MPP4: variants seen among roughly 807,000 people sequenced by gnomAD.
MPP4 encodes MAGUK p55 scaffold protein 4, also known as MAGUK p55 subfamily member 4.
Under a neutral mutation model 98.3 loss-of-function variants are expected in MPP4, and 91 were observed. The observed-to-expected ratio is 0.93, with a 90% CI of 0.78 to 1.10. The LOEUF is 1.10. Among genes scored for constraint, MPP4 ranks in the 50% least tolerant of loss-of-function variants. The pLI is 0.00. For missense variants in MPP4, 744 were observed against 792.9 expected (o/e 0.94, Z 0.74); for synonymous variants, 261 against 271.8 (o/e 0.96, Z 0.39).
At chr2:201,687,721 T>C (rs1688880417) in intron 4 of MPP4, among the ~76,000 whole-genome samples, 3 of 152,200 alleles carry the variant, frequency 2.0e-5, no homozygotes, top group Non-Finnish European at 4.4e-5. Context: ...TTGGCTGATG[T>C]CAATGCTTTG....
intron 3 of MPP4, among the ~76,000 whole-genome samples, chr2:201,690,996 G>A (rs900050092): frequency 3.3e-5 from 5 of 152,194 alleles, no homozygotes; most frequent in Non-Finnish European, 7.3e-5. Flanking sequence ...TAAGGCCCAA[G>A]GGGCCGGCTG....
intron 15 of MPP4, among the ~76,000 whole-genome samples, 195 bp downstream of exon 15, chr2:201,660,137 C>T (rs922048979): frequency 6.6e-6 from 1 of 152,100 alleles, no homozygotes; most frequent in Non-Finnish European, 1.5e-5. Flanking sequence ...ATGTCATATC[C>T]TTGGAGAACC....
intron 16 of MPP4, among the ~76,000 whole-genome samples, chr2:201,657,553 G>C (rs138015533): frequency 7.3e-6 from 1 of 137,786 alleles, no homozygotes; most frequent in East Asian, 2.4e-4. Flanking sequence ...TTCCATGTTT[G>C]TAACTCCCTT....
chr2:201,681,950 A>T (rs1294034683), intron 8 of MPP4, among the ~76,000 whole-genome samples: 1 of 152,076 alleles, frequency 6.6e-6, no homozygotes, highest in Non-Finnish European at 1.5e-5. Context: ...CATTTCCTGA[A>T]TGCCTGTTTC....
rs982803521 is a variant in MPP4 at position 201,685,964 on chromosome 2, C to T, written c.447G>A (p.Glu149=). The change falls in exon 6 of 22, where the codon GAG becomes GAA. Residue 149 remains glutamate, a synonymous_variant. Transcript: ENST00000409474. The stretch of plus-strand genomic sequence containing the variant: ...CTAAACAAACAATCCTCATTGCTTC[C>T]TCACTCTCAGGGATATTGTCTGGCA... ...PPLPDNIPES[E]EAMRIVCLVK... The T allele has an allele frequency of 1.2e-6, 2 of 1,612,800 alleles. No individual in the cohort carries two copies. Among genetic ancestry groups the T allele is most frequent in the African/African-American group, 1.3e-5 (1 of 75,016 alleles).
Position 201,654,894 on chromosome 2 carries a change from C to A in MPP4, c.1324G>T (p.Glu442Ter). 6.2e-7 allele frequency: 1 copy of A among 1,604,886 alleles called. No homozygotes were observed. Among genetic ancestry groups the A allele is most frequent in the Non-Finnish European group, 8.5e-7 (1 of 1,175,694 alleles). ...AATTCAATAAGTTGTCTTCTGAGCT[C>A]ATTTACTCCAACACCAGAGGGTCCT... ...LMGPSGVGVN[E>*]LRRQLIEFNP... is the part of the protein sequence containing the mutation. Residue 442 changes from glutamate to a stop codon, truncating the protein, a stop_gained, in exon 18 of 22, where the codon GAG becomes TAG. Transcript: ENST00000409474. LOFTEE classifies it high-confidence loss of function.
intron 1 of MPP4, among the ~76,000 whole-genome samples, chr2:201,695,076 C>T (rs976362439): frequency 2.0e-5 from 3 of 152,076 alleles, no homozygotes; most frequent in Non-Finnish European, 4.4e-5. Flanking sequence ...ATATCTTGTT[C>T]GTGTGAAAGT....
intron 11 of MPP4, among the ~76,000 whole-genome samples, chr2:201,672,216 G>A (rs937663834): frequency 1.3e-5 from 2 of 152,152 alleles, no homozygotes; most frequent in African/African-American, 4.8e-5. Context: ...AAGACACAAT[G>A]TACCAGAATC....
At chr2:201,672,553 A>G (rs1298730911) in intron 11 of MPP4, among the ~76,000 whole-genome samples, 1 of 152,222 alleles carries the variant, frequency 6.6e-6, no homozygotes, top group African/African-American at 2.4e-5. Flanking sequence ...ACAATAAAAA[A>G]TGATAAAGGG....
intron 11 of MPP4, 150 bp downstream of exon 11, chr2:201,675,057 T>G: frequency 3.2e-6 from 3 of 924,032 alleles, no homozygotes; most frequent in South Asian, 1.4e-5. Flanking sequence ...AAACCCCTAA[T>G]CTAGGGCCCT....
At chr2:201,698,197 T>C in intron 1 of MPP4, 1 of 539,902 alleles carries the variant, frequency 1.9e-6, no homozygotes, top group Non-Finnish European at 2.4e-6. Context: ...CACAACCCCC[T>C]ACCCTTACTA....
intron 1 of MPP4, 91 bp from the exon 2 acceptor site, chr2:201,694,145 G>T: frequency 7.9e-7 from 1 of 1,270,992 alleles, no homozygotes; most frequent in Non-Finnish European, 1.1e-6. Flanking sequence ...GTCTTCCCCT[G>T]TGGTGCCTAC....
At chr2:201,697,589 C>T (rs1689226242) in intron 1 of MPP4, among the ~76,000 whole-genome samples, 1 of 152,154 alleles carries the variant, frequency 6.6e-6, no homozygotes, top group Non-Finnish European at 1.5e-5. Context: ...GGCCAAGATC[C>T]AGAAGTAAAA....
chr2:201,656,911 A>G (rs542866173), intron 16 of MPP4, among the ~76,000 whole-genome samples: 59 of 152,358 alleles, frequency 3.9e-4, no homozygotes, highest in African/African-American at 1.3e-3. Context: ...AGGAACAGCA[A>G]GGAAGCCTGT....
intron 12 of MPP4, among the ~76,000 whole-genome samples, chr2:201,669,088 TTGTGTGTGTGTGTGTG>T (rs770178008): frequency 7.1e-6 from 1 of 141,566 alleles, no homozygotes; most frequent in African/African-American, 2.7e-5. Flanking sequence ...GCATCTTGCT[TTGTGTGTGTGTGTGTG>T]TGTGTGTGTG....
Position 201,645,237 on chromosome 2 carries a change from C to T in MPP4, c.1887G>A (p.Trp629Ter), listed in dbSNP as rs745821403. ...ATTGAGACTCAGTATCTGAGGAAATCCATGTTGCTGGTACCCACTGAGGCT... is the reference window on the plus strand; with the variant it reads ...ATTGAGACTCAGTATCTGAGGAAATTCATGTTGCTGGTACCCACTGAGGCT... ...QEEPQWVPAT[W>*]ISSDTESQ is the part of the protein sequence containing the mutation. The change falls in exon 22 of 22, where the codon TGG becomes TGA. Residue 629 changes from tryptophan (W) to a stop codon, truncating the protein, a stop_gained. Coordinates refer to ENST00000409474, the MANE Select transcript of MPP4 (RefSeq NM_033066.3). LOFTEE classifies it high-confidence loss of function. 2.5e-6 allele frequency: 4 copies of T among 1,613,194 alleles called. No homozygotes were observed. The highest frequency in any genetic ancestry group is 1.1e-5 in the South Asian group (1 of 90,944).
At position 201,692,973 on chromosome 2, in the gene MPP4, C is replaced by A. The variant is rs1471214674; in HGVS notation, c.136G>T (p.Asp46Tyr). 1.9e-6 allele frequency: 3 copies of A among 1,613,074 alleles called. No homozygotes were observed. The highest frequency in any genetic ancestry group is 1.3e-5 in the African/African-American group (1 of 74,898). The change falls in exon 3 of 22, where the codon GAT becomes TAT. Residue 46 changes from aspartate to tyrosine, a missense_variant. Transcript: ENST00000409474. Reference protein sequence around the residue: ...LQELSLFYGRDVNGVCLLYDL... With the variant: ...LQELSLFYGRYVNGVCLLYDL... Reference sequence around the variant, plus strand: ...TACAAGAGACACACTCCATTCACATCTCTGCCGTAGAACAGACTCAGCTCT... The same window carrying A: ...TACAAGAGACACACTCCATTCACATATCTGCCGTAGAACAGACTCAGCTCT...
At chr2:201,669,476 C>T (rs577067106) in intron 12 of MPP4, among the ~76,000 whole-genome samples, 90 of 152,290 alleles carry the variant, frequency 5.9e-4, no homozygotes, top group South Asian at 1.9e-3. Flanking sequence ...ATAAATGTTG[C>T]TTCTCTTTTC....
At chr2:201,692,858 C>G (rs200052102) in intron 3 of MPP4, 50 bp downstream of exon 3, 2 of 1,588,258 alleles carry the variant, frequency 1.3e-6, no homozygotes, top group Non-Finnish European at 1.7e-6. Flanking sequence ...TCTACACACT[C>G]CCCACAACCC....
Sources: allele counts gnomAD v4.1 joint callset (sites outside exome capture counted in the v4.1 genomes callset), GRCh38; gene constraint gnomAD v4.1.1; transcripts MANE v1.5; gene names NCBI Gene and HGNC (gene_info 2026-07-23, HGNC 2026-07-21).